Variants in LAMA4 observed in about 807,000 individuals in gnomAD.
LAMA4 encodes the protein laminin subunit alpha-4.
A neutral mutation model predicts 207.1 loss-of-function variants in LAMA4; 127 were observed. The observed-to-expected ratio is 0.61, with a 90% confidence interval of 0.53 to 0.71. The LOEUF is 0.71. LAMA4 is among the 30% of genes least tolerant of loss of function. The probability of loss-of-function intolerance (pLI) is 0.00; values close to 1 mark genes in which losing one functional copy is unlikely to be tolerated. For missense variants in LAMA4, 2,093 were observed against 2,246.5 expected (o/e 0.93, Z 1.38); for synonymous variants, 761 against 816.0 (o/e 0.93, Z 1.15).
intron 14 of LAMA4, 77 bp downstream of exon 14, chr6:112,158,655 T>C: frequency 1.5e-6 from 2 of 1,363,962 alleles, no homozygotes; most frequent in Non-Finnish European, 2.1e-6. Flanking sequence ...ATCCCAGTAG[T>C]TCTGACATAT....
At chr6:112,136,772 C>T (rs1554331758) in intron 24 of LAMA4, among the ~76,000 whole-genome samples, 1 of 150,798 alleles carries the variant, frequency 6.6e-6, no homozygotes, top group Admixed American at 6.6e-5. Context: ...AATATTTATA[C>T]ACAGTGTAAA....
chr6:112,172,796 G>A lies in LAMA4; in HGVS notation c.1366C>T (p.Gln456Ter), dbSNP rs1468709730. 2 of 1,613,588 alleles carry A rather than the reference G, an allele frequency of 1.2e-6. No homozygotes were observed. Among genetic ancestry groups the A allele is most frequent in the African/African-American group, 1.3e-5 (1 of 74,926 alleles). Reference sequence around the variant, plus strand: ...TGCAGCCGCTGCCAGCTCTCAGCCTGGCTCAGTACTGGGAAGAAATGGAGA... The same window carrying A: ...TGCAGCCGCTGCCAGCTCTCAGCCTAGCTCAGTACTGGGAAGAAATGGAGA... ...EADEAYELLSQAESWQRLHNE... is the reference protein window; with the variant it reads ...EADEAYELLS The change falls in exon 12 of 39, where the codon CAG becomes TAG. Residue 456 changes from glutamine to a stop codon, truncating the protein, a stop_gained. Coordinates refer to ENST00000230538, the MANE Select transcript of LAMA4 (RefSeq NM_001105206.3). LOFTEE classifies it high-confidence loss of function.
intron 14 of LAMA4, among the ~76,000 whole-genome samples, chr6:112,156,404 C>A (rs1554336973): frequency 6.6e-6 from 1 of 152,146 alleles, no homozygotes; most frequent in Non-Finnish European, 1.5e-5. Flanking sequence ...GCTTGGTATA[C>A]CATGCCTGGC....
intron 3 of LAMA4, chr6:112,213,809 A>T (rs1325567142): frequency 2.6e-6 from 1 of 392,128 alleles, no homozygotes. Flanking sequence ...AACAAGGCAG[A>T]TACAGAGGTC....
intron 38 of LAMA4, among the ~76,000 whole-genome samples, chr6:112,111,276 T>C (rs896829847): frequency 6.6e-5 from 10 of 152,138 alleles, no homozygotes; most frequent in African/African-American, 2.4e-4. Flanking sequence ...CCTCCTGAGC[T>C]CAAGTGATCC....
At chr6:112,133,575 G>C in intron 26 of LAMA4, 88 bp from the exon 27 acceptor site, 1 of 1,463,984 alleles carries the variant, frequency 6.8e-7, no homozygotes, top group South Asian at 1.1e-5. Flanking sequence ...TTTATTTATA[G>C]TCATTTGTAA....
intron 14 of LAMA4, among the ~76,000 whole-genome samples, chr6:112,156,842 T>A (rs1214437257): frequency 1.3e-5 from 2 of 152,174 alleles, no homozygotes; most frequent in Non-Finnish European, 2.9e-5. Context: ...TTTCTTTGGC[T>A]ACTTCCCTCT....
intron 26 of LAMA4, among the ~76,000 whole-genome samples, chr6:112,134,178 C>G (rs1183476101): frequency 6.6e-6 from 1 of 152,162 alleles, no homozygotes. Flanking sequence ...TCACACAATA[C>G]ACATGTTCCA....
chr6:112,254,188 G>C lies in LAMA4; in HGVS notation c.-38C>G. The C allele has an allele frequency of 1.2e-6, 2 of 1,610,862 alleles. No individual in the cohort carries two copies. The highest frequency in any genetic ancestry group is 1.7e-6 in the Non-Finnish European group (2 of 1,179,626). ...ATCCAGTAGTGCTCTTCCAGGGCTC[G>C]GGCGCTGTGGGTCTCCGTAGGTCTC... On this transcript the variant is annotated 5_prime_UTR_variant, in exon 2 of 39. Coordinates refer to ENST00000230538, the MANE Select transcript of LAMA4 (RefSeq NM_001105206.3).
chr6:112,244,374 C>T (rs1331044891), intron 2 of LAMA4, among the ~76,000 whole-genome samples: 2 of 152,196 alleles, frequency 1.3e-5, no homozygotes, highest in Non-Finnish European at 2.9e-5. Flanking sequence ...GGTGGAGAAA[C>T]TCACGGTTCT....
rs140847296 is a variant in LAMA4, at chr6:112,229,796, A to G, written c.196-13327T>C. On this transcript the variant is annotated intron_variant, in intron 2 of 38. Transcript: ENST00000230538. ...CATAATTTATAACAACTTGAGCAAA[A>G]TGACATTTTCCCCTGTTCAATTGAT... 4.4e-3 allele frequency among the ~76,000 whole-genome samples: 663 copies of G among 152,324 alleles called. 10 individuals carry two copies. Among genetic ancestry groups the G allele is most frequent in the African/African-American group, 0.015 (643 of 41,572 alleles).
chr6:112,167,064 T>C (rs1554340211), intron 12 of LAMA4, among the ~76,000 whole-genome samples: 1 of 152,164 alleles, frequency 6.6e-6, no homozygotes, highest in African/African-American at 2.4e-5. Context: ...CTGTTACCCT[T>C]TGGAGATAGA....
Position 112,115,734 on chromosome 6 carries a change from T to C in LAMA4, c.5112+129A>G, listed in dbSNP as rs587622240. On this transcript the variant is annotated intron_variant, in intron 36 of 38. Coordinates refer to ENST00000230538, the MANE Select transcript of LAMA4 (RefSeq NM_001105206.3). ...AAATATTGCCCACATTTACATTTCA[T>C]GTTATAGCTTTCCTATATTTCTTTT... The C allele has an allele frequency of 1.9e-3, 1,912 of 1,015,844 alleles. 21 individuals are homozygous for C. The highest frequency in any genetic ancestry group is 8.0e-3 in the South Asian group (624 of 77,954). The allele number at this position is 1,015,844 out of a possible 1,614,324, so 62.9% of individuals were successfully genotyped here.
rs1781793303 is a variant in LAMA4, at chr6:112,172,740, G to C, written c.1422C>G (p.Val474=). The change falls in exon 12 of 39, where the codon GTC becomes GTG. Residue 474 remains valine (V), a synonymous_variant. Transcript: ENST00000230538. ...HNETRTLFPV[V]LEQLDDYNAK... ...CATTGTAGTCATCCAGCTGCTCCAG[G>C]ACGACAGGAAACAGAGTGCGGGTCT... 5.0e-6 allele frequency: 8 copies of C among 1,613,982 alleles called. No homozygotes were observed. Among genetic ancestry groups the C allele is most frequent in the Non-Finnish European group, 6.8e-6 (8 of 1,180,004 alleles).
Position 112,216,476 on chromosome 6 carries a change from C to A in LAMA4, c.196-7G>T. 3 of 1,580,552 alleles carry A rather than the reference C, an allele frequency of 1.9e-6. 1 individual carries two copies. In the Admixed American group the frequency reaches 5.0e-5, roughly 26 times the overall value. On this transcript the variant is annotated splice_region_variant and splice_polypyrimidine_tract_variant and intron_variant, in intron 2 of 38. Coordinates refer to ENST00000230538, the MANE Select transcript of LAMA4 (RefSeq NM_001105206.3). ...AGAATCCAGCATTGCATTTCTGCAACAGACACACCAAACCATTTTGATTAT... is the reference window on the plus strand; with the variant it reads ...AGAATCCAGCATTGCATTTCTGCAAAAGACACACCAAACCATTTTGATTAT...
intron 4 of LAMA4, among the ~76,000 whole-genome samples, chr6:112,203,261 T>A (rs1003540459): frequency 1.3e-5 from 2 of 152,200 alleles, no homozygotes; most frequent in Non-Finnish European, 2.9e-5. Flanking sequence ...TAGAAAATCC[T>A]TAGGAACTTA....
At chr6:112,224,519 C>G (rs139987166) in intron 2 of LAMA4, among the ~76,000 whole-genome samples, 1 of 152,166 alleles carries the variant, frequency 6.6e-6, no homozygotes, top group African/African-American at 2.4e-5. Context: ...AATTCCAGTA[C>G]TTAACATTGT....
At chr6:112,152,197 T>A (rs1760902347) in intron 16 of LAMA4, among the ~76,000 whole-genome samples, 1 of 152,174 alleles carries the variant, frequency 6.6e-6, no homozygotes, top group Admixed American at 6.5e-5. Flanking sequence ...TTGTTTTCTA[T>A]TTTCTAGAAG....
At chr6:112,227,903 G>T (rs1488185218) in intron 2 of LAMA4, among the ~76,000 whole-genome samples, 1 of 149,590 alleles carries the variant, frequency 6.7e-6, no homozygotes, top group Non-Finnish European at 1.5e-5. Context: ...GACTTTTACG[G>T]TGCTTATTTA....
Sources: allele counts gnomAD v4.1 joint callset (sites outside exome capture counted in the v4.1 genomes callset), GRCh38; gene constraint gnomAD v4.1.1; transcripts MANE v1.5; gene names NCBI Gene and HGNC (gene_info 2026-07-23, HGNC 2026-07-21).